SORCS3: variants seen among roughly 807,000 people sequenced by gnomAD.
SORCS3 encodes the protein VPS10 domain-containing receptor SorCS3.
In SORCS3, 57 loss-of-function variants were observed where a neutral mutation model predicts 146.3. The ratio of observed to expected loss-of-function variants is 0.39; its 90% CI spans 0.31 to 0.49. SORCS3 has a LOEUF of 0.49. Among genes scored for constraint, SORCS3 ranks in the 20% least tolerant of loss-of-function variants. The pLI is 0.92. For synonymous variants in SORCS3, 653 were observed against 618.5 expected (o/e 1.06, Z -0.83); for missense variants, 1,341 against 1,575.5 (o/e 0.85, Z 2.52).
intron 4 of SORCS3, among the ~76,000 whole-genome samples, chr10:105,030,155 G>A (rs1280872464): frequency 6.6e-6 from 1 of 152,174 alleles, no homozygotes; most frequent in Non-Finnish European, 1.5e-5. Flanking sequence ...TTAATGCTAT[G>A]TAACCATCTC....
At chr10:105,228,013 GTGTGTGTGTGTGTGTGTGTGTA>G (rs1210966479) in intron 20 of SORCS3, among the ~76,000 whole-genome samples, 2 of 150,664 alleles carry the variant, frequency 1.3e-5, no homozygotes, top group African/African-American at 4.9e-5. Flanking sequence ...GTGTGTGTGT[GTGTGTGTGTGTGTGTGTGTGTA>G]TGTGTGTTTT....
intron 1 of SORCS3, among the ~76,000 whole-genome samples, chr10:104,796,405 GTCT>G (rs2017556094): frequency 6.6e-6 from 1 of 150,704 alleles, no homozygotes; most frequent in Non-Finnish European, 1.5e-5. Flanking sequence ...AGGGTAGAGT[GTCT>G]TTAACACATT....
intron 4 of SORCS3, among the ~76,000 whole-genome samples, chr10:105,003,929 A>T (rs1364431689): frequency 6.6e-6 from 1 of 150,740 alleles, no homozygotes; most frequent in Non-Finnish European, 1.5e-5. Flanking sequence ...AATTACCACT[A>T]GTTTACACCT....
At chr10:105,151,535 G>A (rs927941089) in intron 9 of SORCS3, among the ~76,000 whole-genome samples, 2 of 152,056 alleles carry the variant, frequency 1.3e-5, no homozygotes, top group African/African-American at 2.4e-5. Flanking sequence ...TCAGATATCA[G>A]GTAGCTTGGG....
intron 3 of SORCS3, among the ~76,000 whole-genome samples, chr10:104,967,077 T>C (rs1420867392): frequency 6.6e-6 from 1 of 152,096 alleles, no homozygotes; most frequent in Non-Finnish European, 1.5e-5. Flanking sequence ...CACAGGAACT[T>C]GATTGTATGC....
intron 4 of SORCS3, among the ~76,000 whole-genome samples, chr10:105,041,938 C>G (rs1363187749): frequency 6.6e-6 from 1 of 152,072 alleles, no homozygotes; most frequent in Admixed American, 6.6e-5. Flanking sequence ...GTCATGATTC[C>G]ATGGAAGGAG....
intron 11 of SORCS3, among the ~76,000 whole-genome samples, chr10:105,162,797 A>G (rs1042969064): frequency 2.0e-5 from 3 of 152,146 alleles, no homozygotes; most frequent in African/African-American, 4.8e-5. Context: ...AAGCCATGCC[A>G]GGGATGGAAG....
chr10:104,854,572 T>C (rs977277872), intron 2 of SORCS3, among the ~76,000 whole-genome samples: 3 of 152,158 alleles, frequency 2.0e-5, no homozygotes, highest in Admixed American at 2.0e-4. Context: ...TAAGGTTTAG[T>C]TGTACCCATT....
chr10:104,888,716 G>A (rs770341127), intron 2 of SORCS3, among the ~76,000 whole-genome samples: 1 of 152,178 alleles, frequency 6.6e-6, no homozygotes, highest in African/African-American at 2.4e-5. Context: ...AAATCAGTCA[G>A]AGTAGAGAAA....
At chr10:105,017,153 T>G (rs1417501246) in intron 4 of SORCS3, among the ~76,000 whole-genome samples, 2 of 152,060 alleles carry the variant, frequency 1.3e-5, no homozygotes, top group African/African-American at 4.8e-5. Flanking sequence ...GGATTTTTTT[T>G]TTTTGAGGGA....
At chr10:105,229,494 A>T (rs1447971245) in intron 20 of SORCS3, among the ~76,000 whole-genome samples, 2 of 151,746 alleles carry the variant, frequency 1.3e-5, no homozygotes, top group African/African-American at 4.8e-5. Context: ...CAGTTTTTTG[A>T]ATTTGCTTTT....
At chr10:104,786,820 G>C (rs1390481911) in intron 1 of SORCS3, among the ~76,000 whole-genome samples, 1 of 152,022 alleles carries the variant, frequency 6.6e-6, no homozygotes, top group Non-Finnish European at 1.5e-5. Flanking sequence ...CCTGGCACTT[G>C]GTTCTGGACT....
At chr10:104,827,316 G>T (rs1206657733) in intron 1 of SORCS3, among the ~76,000 whole-genome samples, 1 of 150,260 alleles carries the variant, frequency 6.7e-6, no homozygotes, top group Non-Finnish European at 1.5e-5. Flanking sequence ...AAAAAAATAA[G>T]TCTTGGAAGT....
intron 4 of SORCS3, among the ~76,000 whole-genome samples, chr10:105,000,639 T>G (rs771424947): frequency 1.6e-4 from 24 of 152,122 alleles, no homozygotes; most frequent in Non-Finnish European, 3.1e-4. Flanking sequence ...AGCTTGGGGT[T>G]TTATTTTCTT....
At chr10:105,027,183 T>C (rs2055237126) in intron 4 of SORCS3, among the ~76,000 whole-genome samples, 1 of 152,104 alleles carries the variant, frequency 6.6e-6, no homozygotes, top group Non-Finnish European at 1.5e-5. Context: ...GGTGACTTCT[T>C]CAGATGTCCA....
At chr10:104,976,966 G>A (rs1176063198) in intron 3 of SORCS3, among the ~76,000 whole-genome samples, 5 of 151,904 alleles carry the variant, frequency 3.3e-5, no homozygotes, top group South Asian at 2.1e-4. Flanking sequence ...GCTAAATGAC[G>A]AGTTAATGGG....
intron 1 of SORCS3, among the ~76,000 whole-genome samples, chr10:104,702,938 G>A (rs984702710): frequency 1.3e-5 from 2 of 152,074 alleles, no homozygotes; most frequent in Non-Finnish European, 2.9e-5. Context: ...TCCTGCCCTG[G>A]CTTTTGCTAG....
chr10:105,171,792 G>A (rs2056362019), intron 13 of SORCS3, among the ~76,000 whole-genome samples: 1 of 152,100 alleles, frequency 6.6e-6, no homozygotes, highest in African/African-American at 2.4e-5. Flanking sequence ...GACTTCTGAG[G>A]AGGATTCTGA....
At chr10:104,832,439 C>T (rs1016857643) in intron 1 of SORCS3, among the ~76,000 whole-genome samples, 13 of 152,150 alleles carry the variant, frequency 8.5e-5, no homozygotes, top group South Asian at 4.1e-4. Flanking sequence ...CAGGTGTGAC[C>T]GGGCACAGTG....
Sources: gnomAD v4.1 joint callset for allele counts (sites outside exome capture counted in the v4.1 genomes callset) on GRCh38, gnomAD v4.1.1 for gene constraint, MANE v1.5 for transcripts, NCBI Gene and HGNC (gene_info 2026-07-23, HGNC 2026-07-21) for gene names.